Variants in RNLS observed in about 807,000 individuals in gnomAD.
RNLS encodes the protein renalase.
Under a neutral mutation model 39.8 loss-of-function variants are expected in RNLS, and 39 were observed. That is an observed-to-expected ratio of 0.98 (90% CI 0.76 to 1.28). The LOEUF is 1.28. Among genes scored for constraint, RNLS ranks in the 50% most tolerant of loss-of-function variants. The probability of loss-of-function intolerance (pLI) is 0.00; values close to 1 mark genes in which losing one functional copy is unlikely to be tolerated. For missense variants in RNLS, 410 were observed against 413.3 expected, an observed-to-expected ratio of 0.99 and a Z score of 0.07; for synonymous variants, 147 against 150.7, an observed-to-expected ratio of 0.98 and a Z score of 0.18.
At chr10:88,428,850 C>T (rs1435983259) in intron 4 of RNLS, among the ~76,000 whole-genome samples, 3 of 151,908 alleles carry the variant, frequency 2.0e-5, no homozygotes, top group Non-Finnish European at 4.4e-5. Flanking sequence ...AGCCTGAGTA[C>T]ACAGTGCCAA....
At chr10:88,571,733 A>C (rs1297029894) in intron 4 of RNLS, among the ~76,000 whole-genome samples, 1 of 152,150 alleles carries the variant, frequency 6.6e-6, no homozygotes, top group Non-Finnish European at 1.5e-5. Flanking sequence ...TTAGTACAGG[A>C]ATTTTAGCTT....
chr10:88,402,997 C>T (rs1224574202), intron 4 of RNLS, among the ~76,000 whole-genome samples: 1 of 151,994 alleles, frequency 6.6e-6, no homozygotes, highest in African/African-American at 2.4e-5. Flanking sequence ...CTCACGGCCC[C>T]CAGTGAATCT....
chr10:88,405,442 T>C (rs1312494787), intron 4 of RNLS, among the ~76,000 whole-genome samples: 1 of 152,138 alleles, frequency 6.6e-6, no homozygotes, highest in Non-Finnish European at 1.5e-5. Flanking sequence ...CTTTTACCAT[T>C]ATATAATGTC....
At chr10:88,284,073 C>T, downstream of RNLS, 1 of 916,044 alleles carries the variant, frequency 1.1e-6, no homozygotes. Flanking sequence ...CCTCCCTCTG[C>T]TTTCAAAATA....
chr10:88,179,793 A>G, the RNLS span, among the ~76,000 whole-genome samples: 1 of 152,234 alleles, frequency 6.6e-6, no homozygotes, highest in South Asian at 2.1e-4. Flanking sequence ...GTCTATTCTT[A>G]GGTAGAAATC....
At position 88,444,939 on chromosome 10, in the gene RNLS, C is replaced by T. The variant is rs190358344; in HGVS notation, c.527-82214G>A. The stretch of plus-strand genomic sequence containing the variant: ...AACTTCCCCAACCTAGCAAGGCAGG[C>T]CAACATTCAAATTCAGGAAATACAG... On this transcript the variant is annotated intron_variant, in intron 4 of 6. Coordinates refer to ENST00000331772, the MANE Select transcript of RNLS (RefSeq NM_001031709.3). 4.1e-3 allele frequency among the ~76,000 whole-genome samples: 628 copies of T among 152,214 alleles called. 5 individuals carry two copies. Among genetic ancestry groups the T allele is most frequent in the African/African-American group, 0.014 (598 of 41,530 alleles).
chr10:88,581,254 GAATA>G (rs989245333), intron 3 of RNLS, among the ~76,000 whole-genome samples: 16 of 143,722 alleles, frequency 1.1e-4, no homozygotes, highest in African/African-American at 3.6e-4. Flanking sequence ...ATTTTTAAAA[GAATA>G]AATATAAAGA....
chr10:88,291,078 T>C (rs1326296072), intron 6 of RNLS, among the ~76,000 whole-genome samples: 6 of 152,204 alleles, frequency 3.9e-5, no homozygotes, highest in Non-Finnish European at 8.8e-5. Flanking sequence ...TCTCCTGGTG[T>C]ATACTGATGG....
rs1458245853 is a variant in RNLS at position 88,582,311 on chromosome 10, G to T, written c.119-4C>A. On this transcript the variant is annotated splice_region_variant and splice_polypyrimidine_tract_variant and intron_variant, in intron 1 of 6. Coordinates refer to ENST00000331772, the MANE Select transcript of RNLS (RefSeq NM_001031709.3). ...CAGGCTGTAGTCATTCTTCCCCCTT[G>T]AATTAATCCACAGGAAAATGTCTTA... is the stretch of plus-strand genomic sequence containing the variant. The T allele has an allele frequency of 2.5e-6, 4 of 1,609,888 alleles. No homozygotes were observed. Among genetic ancestry groups the T allele is most frequent in the Non-Finnish European group, 3.4e-6 (4 of 1,177,710 alleles).
At chr10:88,566,048 A>G (rs1427169700) in intron 4 of RNLS, among the ~76,000 whole-genome samples, 1 of 151,970 alleles carries the variant, frequency 6.6e-6, no homozygotes, top group African/African-American at 2.4e-5. Context: ...CGCCCGGCCA[A>G]TATCATTTTT....
intron 4 of RNLS, among the ~76,000 whole-genome samples, chr10:88,458,729 G>A (rs1171781207): frequency 6.6e-6 from 1 of 152,074 alleles, no homozygotes; most frequent in Non-Finnish European, 1.5e-5. Flanking sequence ...TAGTATTTGT[G>A]TATGGATTAT....
the RNLS span, among the ~76,000 whole-genome samples, chr10:88,235,592 C>T: frequency 3.3e-5 from 5 of 152,116 alleles, no homozygotes; most frequent in Non-Finnish European, 7.3e-5. Context: ...ATTTATACAA[C>T]CCCACTTCAT....
intron 4 of RNLS, among the ~76,000 whole-genome samples, chr10:88,500,550 C>A (rs1256524612): frequency 1.3e-5 from 2 of 152,074 alleles, no homozygotes; most frequent in Non-Finnish European, 2.9e-5. Context: ...TTATTTCACT[C>A]AAGACAAAAG....
At chr10:88,580,338 A>G (rs1478914031) in intron 3 of RNLS, among the ~76,000 whole-genome samples, 2 of 152,158 alleles carry the variant, frequency 1.3e-5, no homozygotes, top group Non-Finnish European at 2.9e-5. Flanking sequence ...CCAGAATGGT[A>G]TTTATTATGT....
intron 6 of RNLS, among the ~76,000 whole-genome samples, chr10:88,312,775 CTTTT>C (rs902237975): frequency 6.7e-6 from 1 of 148,532 alleles, no homozygotes; most frequent in Non-Finnish European, 1.5e-5. Flanking sequence ...ATTGACTTCA[CTTTT>C]TTTTTTCAGA....
the RNLS span, among the ~76,000 whole-genome samples, chr10:88,249,587 T>G: frequency 6.6e-6 from 1 of 152,182 alleles, no homozygotes; most frequent in Admixed American, 6.5e-5. Context: ...TGGAATCATC[T>G]GAATTTTATT....
rs1848691334 is a variant in RNLS at position 88,351,331 on chromosome 10, T to A, written c.700+11221A>T. 2.0e-5 allele frequency among the ~76,000 whole-genome samples: 3 copies of A among 152,240 alleles called. 1 individual carries two copies. In the South Asian group the frequency reaches 6.2e-4, roughly 31 times the overall value. ...TCCCTATGTCCTAAATGGTAATGCC[T>A]ATGTTTTCTTCTATGGTTTTTATGG... On this transcript the variant is annotated intron_variant, in intron 5 of 6. Transcript: ENST00000331772.
At chr10:88,289,344 C>T (rs1027749007) in intron 6 of RNLS, among the ~76,000 whole-genome samples, 1 of 152,040 alleles carries the variant, frequency 6.6e-6, no homozygotes, top group African/African-American at 2.4e-5. Context: ...CGCCTTTGTC[C>T]TATCTATATT....
chr10:88,407,758 T>C (rs1791484394), intron 4 of RNLS, among the ~76,000 whole-genome samples: 1 of 152,124 alleles, frequency 6.6e-6, no homozygotes, highest in Non-Finnish European at 1.5e-5. Flanking sequence ...GTCCCTGCTT[T>C]GAAAGTTATT....
Sources: allele counts gnomAD v4.1 joint callset (sites outside exome capture counted in the v4.1 genomes callset), GRCh38; gene constraint gnomAD v4.1.1; transcripts MANE v1.5; gene names NCBI Gene and HGNC (gene_info 2026-07-23, HGNC 2026-07-21).